NELL2: variants seen among roughly 807,000 people sequenced by gnomAD.
The protein encoded by NELL2 is protein kinase C-binding protein NELL2.
NELL2 carries 41 observed loss-of-function variants against 109.6 expected under a neutral mutation model. That is an observed-to-expected ratio of 0.37 (90% CI 0.29 to 0.49). The LOEUF (loss-of-function observed/expected upper bound fraction) is 0.49, where lower values mean the gene tolerates loss of function less well. Among genes scored for constraint, NELL2 ranks in the 20% least tolerant of loss-of-function variants. NELL2 has a pLI of 0.98. For missense variants in NELL2, 900 were observed against 1,008.3 expected, an observed-to-expected ratio of 0.89 and a Z score of 1.45; for synonymous variants, 355 against 344.7, an observed-to-expected ratio of 1.03 and a Z score of -0.33.
At chr12:44,890,177 A>C (rs1945517787) in intron 1 of NELL2, among the ~76,000 whole-genome samples, 1 of 152,166 alleles carries the variant, frequency 6.6e-6, no homozygotes, top group Non-Finnish European at 1.5e-5. Context: ...TCTTGGCCAA[A>C]GGCTGGAGCT....
chr12:44,815,227 T>C lies in NELL2; in HGVS notation c.335+759A>G, dbSNP rs148066943. On this transcript the variant is annotated intron_variant, in intron 3 of 19. Coordinates refer to ENST00000429094, the MANE Select transcript of NELL2 (RefSeq NM_001145108.2). ...CCAGAGCTCCTAATCCTGTCTCACATATGACAAAGGCTGGAAGATAGTAGA... is the reference window on the plus strand; with the variant it reads ...CCAGAGCTCCTAATCCTGTCTCACACATGACAAAGGCTGGAAGATAGTAGA... Among the ~76,000 whole-genome samples, 28 of 152,158 alleles carry C rather than the reference T, an allele frequency of 1.8e-4. No homozygotes were observed. The East Asian group carries it at 5.4e-3, about 29-fold the overall frequency.
At chr12:44,599,385 A>G (rs1592184024) in intron 15 of NELL2, among the ~76,000 whole-genome samples, 1 of 152,172 alleles carries the variant, frequency 6.6e-6, no homozygotes, top group South Asian at 2.1e-4. Context: ...AATAAGAACT[A>G]AGGAAAAAAG....
chr12:44,741,626 G>A (rs575966111), intron 9 of NELL2, among the ~76,000 whole-genome samples: 2 of 152,218 alleles, frequency 1.3e-5, no homozygotes, highest in Non-Finnish European at 2.9e-5. Flanking sequence ...TTTTCCAACA[G>A]GCTTAAAAAA....
intron 13 of NELL2, among the ~76,000 whole-genome samples, chr12:44,617,691 CAAA>C (rs975070930): frequency 2.7e-4 from 6 of 22,390 alleles, no homozygotes; most frequent in African/African-American, 3.1e-4. Context: ...GACTCCGTCT[CAAA>C]AAAAAAAAAA....
intron 9 of NELL2, among the ~76,000 whole-genome samples, chr12:44,758,452 A>G (rs1475056678): frequency 6.6e-6 from 1 of 152,136 alleles, no homozygotes; most frequent in East Asian, 1.9e-4. Context: ...TAAAAGTACA[A>G]TTATTATTTT....
At chr12:44,739,248 AG>A (rs1352528055) in intron 9 of NELL2, among the ~76,000 whole-genome samples, 2 of 152,152 alleles carry the variant, frequency 1.3e-5, no homozygotes, top group Non-Finnish European at 2.9e-5. Flanking sequence ...CACCAAACCA[AG>A]GTAGAAAATG....
At chr12:44,606,324 C>T (rs2136245293) in intron 15 of NELL2, among the ~76,000 whole-genome samples, 1 of 152,084 alleles carries the variant, frequency 6.6e-6, no homozygotes, top group East Asian at 1.9e-4. Context: ...AGAGGCAGAG[C>T]ATGTACTGTA....
intron 3 of NELL2, among the ~76,000 whole-genome samples, chr12:44,800,892 G>A (rs1169097510): frequency 1.3e-5 from 2 of 152,148 alleles, no homozygotes; most frequent in African/African-American, 4.8e-5. Flanking sequence ...AGAGTAAGCT[G>A]TCAACACTGC....
intron 15 of NELL2, among the ~76,000 whole-genome samples, chr12:44,580,892 AGAGC>A (rs2136210417): frequency 6.6e-6 from 1 of 152,352 alleles, no homozygotes; most frequent in South Asian, 2.1e-4. Flanking sequence ...GGAAGGATAT[AGAGC>A]TTCAGTTTGA....
intron 9 of NELL2, among the ~76,000 whole-genome samples, chr12:44,728,954 A>G (rs1054705832): frequency 1.3e-5 from 2 of 150,318 alleles, no homozygotes; most frequent in Non-Finnish European, 2.9e-5. Context: ...ATCATCACTC[A>G]ACCTGCCTTA....
chr12:44,617,542 A>G (rs1250953618), intron 13 of NELL2, among the ~76,000 whole-genome samples: 3 of 135,548 alleles, frequency 2.2e-5, no homozygotes, highest in Non-Finnish European at 3.1e-5. Context: ...ACACAAAAAA[A>G]TTAGCCGGGC....
intron 1 of NELL2, among the ~76,000 whole-genome samples, chr12:44,910,593 A>G (rs1475244399): frequency 6.6e-6 from 1 of 152,068 alleles, no homozygotes; most frequent in Non-Finnish European, 1.5e-5. Context: ...TCAGCCCAGT[A>G]ATTCCATTAC....
intron 2 of NELL2, among the ~76,000 whole-genome samples, chr12:44,828,916 C>A (rs1943800511): frequency 6.6e-6 from 1 of 152,024 alleles, no homozygotes. Flanking sequence ...AATGATCAAC[C>A]ACAATAAGTA....
chr12:44,592,347 T>C (rs889612438), intron 15 of NELL2, among the ~76,000 whole-genome samples: 1 of 152,162 alleles, frequency 6.6e-6, no homozygotes, highest in African/African-American at 2.4e-5. Context: ...AATAAATGCA[T>C]AAATAGGACA....
In NELL2 at chr12:44,784,123, A is replaced by C. The variant is rs139854692; in HGVS notation, c.336-4101T>G. Among the ~76,000 whole-genome samples the C allele has an allele frequency of 1.7e-3, 263 of 152,238 alleles. 1 individual carries two copies. Among genetic ancestry groups the C allele is most frequent in the African/African-American group, 5.9e-3 (245 of 41,552 alleles). On this transcript the variant is annotated intron_variant, in intron 3 of 19. Coordinates refer to ENST00000429094, the MANE Select transcript of NELL2 (RefSeq NM_001145108.2). ...TGACAAAATTCAGCACCAATTAAAG[A>C]TGAAACTCTCAGAAAAGTAAGAACA...
At chr12:44,860,087 A>C (rs941783762) in intron 2 of NELL2, among the ~76,000 whole-genome samples, 3 of 152,232 alleles carry the variant, frequency 2.0e-5, no homozygotes, top group Admixed American at 2.0e-4. Flanking sequence ...AAAACTAGAC[A>C]CTTGATTTTA....
At chr12:44,802,593 T>C (rs1300684606) in intron 3 of NELL2, among the ~76,000 whole-genome samples, 1 of 152,110 alleles carries the variant, frequency 6.6e-6, no homozygotes, top group African/African-American at 2.4e-5. Context: ...TGAATTTCAT[T>C]CAGTATACCT....
At chr12:44,527,831 T>A (rs1304090893) in intron 16 of NELL2, among the ~76,000 whole-genome samples, 2 of 152,080 alleles carry the variant, frequency 1.3e-5, no homozygotes, top group African/African-American at 4.8e-5. Context: ...CGCTGGCTCA[T>A]GCCTGTAATC....
intron 15 of NELL2, among the ~76,000 whole-genome samples, chr12:44,556,396 T>A (rs879384256): frequency 1.3e-5 from 2 of 152,138 alleles, no homozygotes; most frequent in African/African-American, 4.8e-5. Context: ...TCAAGATCTA[T>A]GAGCAGCATG....
Sources: allele counts gnomAD v4.1 joint callset (sites outside exome capture counted in the v4.1 genomes callset), GRCh38; gene constraint gnomAD v4.1.1; transcripts MANE v1.5; gene names NCBI Gene and HGNC (gene_info 2026-07-23, HGNC 2026-07-21).